ALK: variants seen among roughly 807,000 people sequenced by gnomAD.
ALK encodes ALK receptor tyrosine kinase, also known as ALK tyrosine kinase receptor.
ALK carries 74 observed loss-of-function variants against 163.1 expected under a neutral mutation model. The observed-to-expected ratio is 0.45, with a 90% CI of 0.38 to 0.55. The LOEUF (loss-of-function observed/expected upper bound fraction) is 0.55, where lower values mean the gene tolerates loss of function less well. Ranked by LOEUF, ALK falls within the 20% of genes least tolerant of loss-of-function variation. ALK has a pLI of 0.00. For missense variants in ALK, 2,063 were observed against 2,105.3 expected (o/e 0.98, Z 0.39); for synonymous variants, 960 against 843.2 (o/e 1.14, Z -2.40).
intron 12 of ALK, among the ~76,000 whole-genome samples, chr2:29,248,608 C>T (rs1031250702): frequency 6.6e-6 from 1 of 152,122 alleles, no homozygotes; most frequent in Non-Finnish European, 1.5e-5. Flanking sequence ...GAGGCAAAAT[C>T]GCCAGACAGT....
rs1668002486 is a variant in ALK, at chr2:29,921,441, A to C, written c.-782T>G. The C allele has an allele frequency of 4.3e-6, 1 of 231,744 alleles. No homozygotes were observed. Among genetic ancestry groups the C allele is most frequent in the African/African-American group, 2.2e-5 (1 of 45,210 alleles). 14.4% of individuals were successfully genotyped at this position (231,744 alleles called of 1,614,324 possible). On this transcript the variant is annotated 5_prime_UTR_variant, in exon 1 of 29. Transcript: ENST00000389048. The stretch of plus-strand genomic sequence containing the variant: ...CCCGAAATCTTGCCGCCCCCTCCTC[A>C]CCCATCATCAGCGCCCGCGGCTTTG...
At chr2:29,616,521 C>T (rs1383235627) in intron 3 of ALK, among the ~76,000 whole-genome samples, 1 of 152,092 alleles carries the variant, frequency 6.6e-6, no homozygotes, top group Non-Finnish European at 1.5e-5. Flanking sequence ...ACAGACGCCC[C>T]CTGATGAACT....
chr2:29,604,097 A>G (rs1030506454), intron 3 of ALK, among the ~76,000 whole-genome samples: 2 of 152,138 alleles, frequency 1.3e-5, no homozygotes, highest in African/African-American at 4.8e-5. Context: ...TGGGCAAATT[A>G]CAATCTGTAG....
intron 4 of ALK, among the ~76,000 whole-genome samples, chr2:29,479,550 C>T (rs1019482610): frequency 5.9e-5 from 9 of 152,224 alleles, no homozygotes; most frequent in Non-Finnish European, 1.3e-4. Flanking sequence ...CTGGATGTCA[C>T]ACCATAAATC....
intron 1 of ALK, among the ~76,000 whole-genome samples, chr2:29,816,049 C>T (rs1306628317): frequency 6.6e-6 from 1 of 152,182 alleles, no homozygotes; most frequent in Non-Finnish European, 1.5e-5. Context: ...GGGTTGGAGG[C>T]GCTGGTAGAA....
intron 1 of ALK, among the ~76,000 whole-genome samples, chr2:29,735,032 A>G (rs776471954): frequency 5.3e-5 from 8 of 152,178 alleles, no homozygotes; most frequent in Admixed American, 6.5e-5. Flanking sequence ...TTTTTTTATT[A>G]CAAAAACCCC....
At chr2:29,765,239 T>C (rs1680825504) in intron 1 of ALK, among the ~76,000 whole-genome samples, 1 of 152,220 alleles carries the variant, frequency 6.6e-6, no homozygotes. Context: ...GTGAAAGCAT[T>C]GCCCAAGTAT....
At chr2:29,716,274 C>T (rs572213197) in intron 2 of ALK, among the ~76,000 whole-genome samples, 18 of 152,176 alleles carry the variant, frequency 1.2e-4, no homozygotes, top group Non-Finnish European at 2.5e-4. Flanking sequence ...AAATATGAGG[C>T]TGGTGCAAAA....
intron 5 of ALK, among the ~76,000 whole-genome samples, chr2:29,358,607 TG>T (rs2148284958): frequency 6.6e-6 from 1 of 152,340 alleles, no homozygotes; most frequent in East Asian, 1.9e-4. Flanking sequence ...TTTGCTCCAG[TG>T]TCAGGGAATT....
chr2:29,379,125 T>C (rs999595439), intron 5 of ALK, among the ~76,000 whole-genome samples: 1 of 152,350 alleles, frequency 6.6e-6, no homozygotes, highest in African/African-American at 2.4e-5. Context: ...TGCGTGATCC[T>C]ATTGCTCTGG....
chr2:29,417,545 C>G (rs1217232166), intron 4 of ALK, among the ~76,000 whole-genome samples: 1 of 152,078 alleles, frequency 6.6e-6, no homozygotes, highest in Non-Finnish European at 1.5e-5. Flanking sequence ...TCACTTAGTT[C>G]CCCAGATAAA....
chr2:29,354,137 T>C (rs1668184679), intron 5 of ALK, among the ~76,000 whole-genome samples: 1 of 152,152 alleles, frequency 6.6e-6, no homozygotes, highest in Non-Finnish European at 1.5e-5. Flanking sequence ...CATTTCTTTG[T>C]CTTTAAGGGG....
At chr2:29,638,564 T>C (rs1456493374) in intron 3 of ALK, among the ~76,000 whole-genome samples, 3 of 152,178 alleles carry the variant, frequency 2.0e-5, no homozygotes, top group South Asian at 4.2e-4. Context: ...GGCAGGGGCA[T>C]GTACACCAAG....
At chr2:29,559,086 G>A (rs2148181276) in intron 3 of ALK, among the ~76,000 whole-genome samples, 1 of 152,276 alleles carries the variant, frequency 6.6e-6, no homozygotes, top group East Asian at 1.9e-4. Flanking sequence ...ACCTTGAAGG[G>A]TTCAGACAAG....
In ALK at chr2:29,313,680, G is replaced by A. The variant is rs111885196; in HGVS notation, c.1647+4624C>T. ...TTTGGTCTTGTGTTTATTAGCTGTGGGTCTTGAGGTGAATTTCATGATCTG... is the reference window on the plus strand; with the variant it reads ...TTTGGTCTTGTGTTTATTAGCTGTGAGTCTTGAGGTGAATTTCATGATCTG... On this transcript the variant is annotated intron_variant, in intron 8 of 28. Transcript: ENST00000389048. Among the ~76,000 whole-genome samples, 401 of 152,234 alleles carry A rather than the reference G, an allele frequency of 2.6e-3. 1 individual carries two copies. The highest frequency in any genetic ancestry group is 9.3e-3 in the African/African-American group (388 of 41,522).
At chr2:29,215,855 C>A (rs938936169) in intron 23 of ALK, among the ~76,000 whole-genome samples, 4 of 152,208 alleles carry the variant, frequency 2.6e-5, no homozygotes, top group Non-Finnish European at 5.9e-5. Flanking sequence ...GGCTGCTCAG[C>A]CTCTCAGAGC....
intron 5 of ALK, among the ~76,000 whole-genome samples, chr2:29,359,849 C>A (rs529918337): frequency 6.6e-6 from 1 of 152,338 alleles, no homozygotes; most frequent in East Asian, 1.9e-4. Flanking sequence ...AGCAGCACGG[C>A]CCTTTGGTGG....
intron 11 of ALK, among the ~76,000 whole-genome samples, chr2:29,268,433 A>T (rs1242394467): frequency 6.6e-6 from 1 of 152,232 alleles, no homozygotes; most frequent in East Asian, 1.9e-4. Flanking sequence ...TAGTGGCTTC[A>T]TACTGGGCTT....
At chr2:29,712,335 G>T (rs1679127388) in intron 2 of ALK, among the ~76,000 whole-genome samples, 1 of 152,188 alleles carries the variant, frequency 6.6e-6, no homozygotes, top group Non-Finnish European at 1.5e-5. Flanking sequence ...TGACCCCCTA[G>T]CTCAGTGGAG....
Sources: gnomAD v4.1 joint callset for allele counts (sites outside exome capture counted in the v4.1 genomes callset) on GRCh38, gnomAD v4.1.1 for gene constraint, MANE v1.5 for transcripts, NCBI Gene and HGNC (gene_info 2026-07-23, HGNC 2026-07-21) for gene names.